Variants in UHMK1 observed in about 807,000 individuals in gnomAD.
UHMK1 encodes the protein U2AF homology motif kinase 1.
UHMK1 carries 18 observed loss-of-function variants against 44.0 expected under a neutral mutation model. The ratio of observed to expected loss-of-function variants is 0.41; its 90% CI spans 0.28 to 0.61. UHMK1 has a LOEUF of 0.61. Ranked by LOEUF, UHMK1 falls within the 20% of genes least tolerant of loss-of-function variation. UHMK1 has a pLI of 0.31. For synonymous variants in UHMK1, 231 were observed against 198.5 expected (o/e 1.16, Z -1.38); for missense variants, 463 against 522.5 (o/e 0.89, Z 1.11).
intron 7 of UHMK1, 138 bp from the exon 8 acceptor site, chr1:162,522,266 C>T (rs370405083): frequency 5.4e-4 from 474 of 877,002 alleles, no homozygotes; most frequent in Admixed American, 5.4e-3. Context: ...GAAACTCAGG[C>T]GACATCTCAG....
At position 162,498,276 on chromosome 1, in the gene UHMK1, C is replaced by G; in HGVS notation, c.268+8C>G. The G allele has an allele frequency of 6.4e-7, 1 of 1,573,858 alleles. No homozygotes were observed. Among genetic ancestry groups the G allele is most frequent in the African/African-American group, 1.4e-5 (1 of 73,782 alleles). On this transcript the variant is annotated splice_region_variant and intron_variant, in intron 1 of 7. Coordinates refer to ENST00000489294, the MANE Select transcript of UHMK1 (RefSeq NM_175866.5). ...AGGGTCACAGAAACATCGGTAATTG[C>G]CGCTGTCTCCTTTCTCTTCTTGCCC... is the stretch of plus-strand genomic sequence containing the variant.
At position 162,512,743 on chromosome 1, in the gene UHMK1, T is replaced by A; in HGVS notation, c.944T>A (p.Leu315Gln). 6.2e-7 allele frequency: 1 copy of A among 1,614,132 alleles called. No individual in the cohort carries two copies. The highest frequency in any genetic ancestry group is 8.5e-7 in the Non-Finnish European group (1 of 1,180,002). The change falls in exon 6 of 8, where the codon CTG (leucine) becomes CAG (glutamine). Residue 315 changes from leucine to glutamine, a missense_variant. This residue lies in a region of UHMK1 where 264 missense variants were observed against 326.3 expected (regional missense o/e 0.81). Coordinates refer to ENST00000489294, the MANE Select transcript of UHMK1 (RefSeq NM_175866.5). ...SIPFAPHIED[L>Q]VMLPTPVLRL... is the part of the protein sequence containing the mutation. ...TTAACAGCCCCTCATATTGAAGATCTGGTCATGCTTCCCACTCCAGTGCTA... is the reference window on the plus strand; with the variant it reads ...TTAACAGCCCCTCATATTGAAGATCAGGTCATGCTTCCCACTCCAGTGCTA...
At chr1:162,506,346 C>T (rs1651468223) in intron 4 of UHMK1, among the ~76,000 whole-genome samples, 1 of 151,338 alleles carries the variant, frequency 6.6e-6, no homozygotes. Flanking sequence ...TTTCCTTCCA[C>T]TATTTTTCTG....
Position 162,523,253 on chromosome 1 carries a change from G to T in UHMK1, c.*703G>T, listed in dbSNP as rs1425486692. ...ATGATTAGAGAAAATTTGAGTCAGT[G>T]TACTTTATAGTGTGAATCCTGTGAG... is the stretch of plus-strand genomic sequence containing the variant. On this transcript the variant is annotated 3_prime_UTR_variant, in exon 8 of 8. Transcript: ENST00000489294. 1 of 152,620 alleles carries T rather than the reference G, an allele frequency of 6.6e-6. No individual in the cohort carries two copies. The highest frequency in any genetic ancestry group is 1.5e-5 in the Non-Finnish European group (1 of 68,046). 9.5% of individuals were successfully genotyped at this position (152,620 alleles called of 1,614,324 possible).
In UHMK1 at chr1:162,512,781, G is replaced by A; in HGVS notation, c.982G>A (p.Val328Met). The A allele has an allele frequency of 1.2e-6, 2 of 1,614,140 alleles. No homozygotes were observed. The highest frequency in any genetic ancestry group is 1.7e-6 in the Non-Finnish European group (2 of 1,180,008). ...CACTCCAGTGCTAAGACTGCTGAAT[G>A]TGCTGGATGATGATTATCTTGAGAA... ...LPTPVLRLLN[V>M]LDDDYLENEE... Residue 328 changes from valine to methionine, a missense_variant, in exon 6 of 8, where the codon GTG (valine) becomes ATG (methionine). Physicochemically the swap from Val to Met is conservative, Grantham distance 21 (BLOSUM62 1). Coordinates refer to ENST00000489294, the MANE Select transcript of UHMK1 (RefSeq NM_175866.5).
rs1652130361 is a variant in UHMK1, at chr1:162,523,412, C to T, written c.*862C>T. On this transcript the variant is annotated 3_prime_UTR_variant, in exon 8 of 8. Coordinates refer to ENST00000489294, the MANE Select transcript of UHMK1 (RefSeq NM_175866.5). ...TAATTCCTGAGAGGCCCAGAACAAA[C>T]TGGAGTCTAGCCTGGAGTTAAATTG... is the stretch of plus-strand genomic sequence containing the variant. 6.6e-6 allele frequency: 1 copy of T among 152,606 alleles called. No individual in the cohort carries two copies. The highest frequency in any genetic ancestry group is 6.5e-5 in the Admixed American group (1 of 15,276). 9.5% of individuals were successfully genotyped at this position (152,606 alleles called of 1,614,324 possible).
Position 162,501,974 on chromosome 1 carries a change from A to G in UHMK1, c.753+870A>G, listed in dbSNP as rs966362867. 6.2e-4 allele frequency among the ~76,000 whole-genome samples: 94 copies of G among 152,014 alleles called. 1 individual carries two copies. Among genetic ancestry groups the G allele is most frequent in the Admixed American group, 4.6e-4 (7 of 15,250 alleles). On this transcript the variant is annotated intron_variant, in intron 3 of 7. Coordinates refer to ENST00000489294, the MANE Select transcript of UHMK1 (RefSeq NM_175866.5). Reference sequence around the variant, plus strand: ...TAAAAGGTATTTTAATACTTGTTTAATATCAAGAACAATAATCATTCCAAA... The same window carrying G: ...TAAAAGGTATTTTAATACTTGTTTAGTATCAAGAACAATAATCATTCCAAA...
intron 7 of UHMK1, among the ~76,000 whole-genome samples, chr1:162,520,861 T>C (rs900299413): frequency 4.6e-5 from 7 of 152,182 alleles, no homozygotes; most frequent in Non-Finnish European, 4.4e-5. Flanking sequence ...TCTGACTCAA[T>C]ATTAGCCCCA....
rs1430167561 is a variant in UHMK1 at position 162,523,215 on chromosome 1, TGTGC to T, written c.*667_*670del. The T allele has an allele frequency of 6.6e-6, 1 of 152,656 alleles. No homozygotes were observed. Among genetic ancestry groups the T allele is most frequent in the Non-Finnish European group, 1.5e-5 (1 of 68,066 alleles). 9.5% of individuals were successfully genotyped at this position (152,656 alleles called of 1,614,324 possible). A position where few individuals can be genotyped will look rare whatever the true frequency, so the allele number is the denominator to read the frequency against. ...TGTCTAGTATGTATGCTTGAGTGAATGTGCGAGTATGAATGATTAGAGAAAATTT... is the reference window on the plus strand; with the variant it reads ...TGTCTAGTATGTATGCTTGAGTGAATGAGTATGAATGATTAGAGAAAATTT... On this transcript the variant is annotated 3_prime_UTR_variant, in exon 8 of 8. Coordinates refer to ENST00000489294, the MANE Select transcript of UHMK1 (RefSeq NM_175866.5).
At position 162,522,460 on chromosome 1, in the gene UHMK1, T is replaced by C. The variant is rs1297558080; in HGVS notation, c.1170T>C (p.Thr390=). 6.2e-7 allele frequency: 1 copy of C among 1,614,084 alleles called. No individual in the cohort carries two copies. Among genetic ancestry groups the C allele is most frequent in the Non-Finnish European group, 8.5e-7 (1 of 1,180,028 alleles). ...GDSKAAQKLL[T]GRMFDGKFVV... is the part of the protein sequence containing the mutation. ...CCAAAGCTGCGCAGAAATTACTGACTGGAAGGATGTTTGATGGGAAGTTTG... is the reference window on the plus strand; with the variant it reads ...CCAAAGCTGCGCAGAAATTACTGACCGGAAGGATGTTTGATGGGAAGTTTG... Residue 390 remains threonine, a synonymous_variant, in exon 8 of 8, where the codon ACT becomes ACC. Transcript: ENST00000489294.
intron 3 of UHMK1, among the ~76,000 whole-genome samples, chr1:162,502,289 A>G (rs916767956): frequency 6.6e-6 from 1 of 152,204 alleles, no homozygotes; most frequent in African/African-American, 2.4e-5. Flanking sequence ...TCTAATACAT[A>G]CTGTATAGCT....
At chr1:162,520,676 A>G (rs1027329248) in intron 7 of UHMK1, among the ~76,000 whole-genome samples, 1 of 152,214 alleles carries the variant, frequency 6.6e-6, no homozygotes, top group Non-Finnish European at 1.5e-5. Context: ...TGAGGAGGCC[A>G]ATGTGGCTGT....
At chr1:162,497,350 G>C, upstream of UHMK1, 1 of 697,490 alleles carries the variant, frequency 1.4e-6, no homozygotes, top group Non-Finnish European at 2.6e-6. Context: ...CAGAATTTTA[G>C]AGTGCCCTGG....
chr1:162,517,088 C>G (rs965628786), intron 6 of UHMK1, among the ~76,000 whole-genome samples: 6 of 152,048 alleles, frequency 3.9e-5, no homozygotes, highest in African/African-American at 1.4e-4. Flanking sequence ...CACCTGAGGT[C>G]AGGAGTTTGA....
chr1:162,498,347 A>G (rs1054290613), intron 1 of UHMK1, 79 bp downstream of exon 1: 10 of 1,486,168 alleles, frequency 6.7e-6, no homozygotes, highest in African/African-American at 4.2e-5. Flanking sequence ...CTGGCGTTCC[A>G]TCTTCCTCCC....
Position 162,526,249 on chromosome 1 carries a change from T to A in UHMK1, c.*3699T>A, listed in dbSNP as rs1047203892. The A allele has an allele frequency of 2.6e-5, 4 of 151,606 alleles. No individual in the cohort carries two copies. Among genetic ancestry groups the A allele is most frequent in the African/African-American group, 9.7e-5 (4 of 41,200 alleles). The allele number at this position is 151,606 out of a possible 1,614,324, so 9.4% of individuals were successfully genotyped here. On this transcript the variant is annotated 3_prime_UTR_variant, in exon 8 of 8. Coordinates refer to ENST00000489294, the MANE Select transcript of UHMK1 (RefSeq NM_175866.5). The stretch of plus-strand genomic sequence containing the variant: ...TTAGGCCTATCTTACACATAAGTTC[T>A]ACTATCAGTATACTTGGCAGCATGA...
intron 6 of UHMK1, among the ~76,000 whole-genome samples, chr1:162,515,445 A>G (rs1359581338): frequency 6.6e-6 from 1 of 152,226 alleles, no homozygotes. Context: ...AATGTTACAG[A>G]TAAGGCTAAT....
At chr1:162,515,408 T>C (rs1413806610) in intron 6 of UHMK1, among the ~76,000 whole-genome samples, 4 of 152,244 alleles carry the variant, frequency 2.6e-5, no homozygotes, top group African/African-American at 9.6e-5. Flanking sequence ...TTGCTTAATA[T>C]TAAATATTCT....
intron 4 of UHMK1, among the ~76,000 whole-genome samples, chr1:162,511,680 A>G (rs1651674461): frequency 6.6e-6 from 1 of 152,156 alleles, no homozygotes; most frequent in South Asian, 2.1e-4. Context: ...GCTCAGAACA[A>G]TGTTGTGCAG....
Sources: allele counts gnomAD v4.1 joint callset (sites outside exome capture counted in the v4.1 genomes callset), GRCh38; gene constraint gnomAD v4.1.1; regional missense constraint gnomAD v4.1.1; transcripts MANE v1.5; gene names NCBI Gene and HGNC (gene_info 2026-07-23, HGNC 2026-07-21).